ARID4A: variants seen among roughly 807,000 people sequenced by gnomAD.
The protein encoded by ARID4A is AT-rich interaction domain 4A, also known as AT-rich interactive domain-containing protein 4A.
In ARID4A, 39 loss-of-function variants were observed where a neutral mutation model predicts 148.6. The ratio of observed to expected loss-of-function variants is 0.26; its 90% CI spans 0.20 to 0.34. The LOEUF is 0.34. ARID4A is among the 10% of genes least tolerant of loss of function. The pLI, the probability that ARID4A is intolerant of heterozygous loss-of-function variation, is 1.00. For synonymous variants in ARID4A, 475 were observed against 481.2 expected (o/e 0.99, Z 0.17); for missense variants, 1,265 against 1,449.1 (o/e 0.87, Z 2.06).
intron 8 of ARID4A, among the ~76,000 whole-genome samples, chr14:58,323,826 G>T (rs1415189312): frequency 6.7e-6 from 1 of 148,620 alleles, no homozygotes; most frequent in African/African-American, 2.5e-5. Flanking sequence ...CTTTTATTGA[G>T]CTCTTTTATA....
Position 58,364,321 on chromosome 14 carries a change from A to G in ARID4A, c.2232A>G (p.Leu744=). ...EENPKISAHI[L]KENDRTQMQP... The stretch of plus-strand genomic sequence containing the variant: ...ATCCAAAGATTTCTGCACATATATT[A>G]AAAGAAAATGATAGGACTCAAATGC... Residue 744 remains leucine, a synonymous_variant, in exon 20 of 24, where the codon TTA becomes TTG. Transcript: ENST00000355431. 1 of 1,571,346 alleles carries G rather than the reference A, an allele frequency of 6.4e-7. No individual in the cohort carries two copies.
At chr14:58,313,403 T>A (rs1262498700) in intron 5 of ARID4A, among the ~76,000 whole-genome samples, 1 of 152,182 alleles carries the variant, frequency 6.6e-6, no homozygotes, top group Non-Finnish European at 1.5e-5. Context: ...CTTGTGCAGT[T>A]CACAGGCATT....
At position 58,318,589 on chromosome 14, in the gene ARID4A, C is replaced by A; in HGVS notation, c.322C>A (p.Leu108Met). Residue 108 changes from leucine (L) to methionine (M), a missense_variant, in exon 6 of 24, where the codon CTG becomes ATG. This residue lies in a region of ARID4A where 21 missense variants were observed against 36.5 expected (regional missense o/e 0.58). Coordinates refer to ENST00000355431, the MANE Select transcript of ARID4A (RefSeq NM_002892.4). Reference protein sequence around the residue: ...ERTLRRTSLCLKGERHFAESE... With the variant: ...ERTLRRTSLCMKGERHFAESE... ...AACATTGAGACGTACCTCACTTTGT[C>A]TGAAAGGAGAGAGACATTTTGCAGA... The A allele has an allele frequency of 1.9e-6, 3 of 1,614,112 alleles. No individual in the cohort carries two copies. In the South Asian group the frequency reaches 3.3e-5, roughly 18 times the overall value.
At chr14:58,321,688 A>G (rs1217390013) in intron 7 of ARID4A, among the ~76,000 whole-genome samples, 1 of 152,156 alleles carries the variant, frequency 6.6e-6, no homozygotes, top group Non-Finnish European at 1.5e-5. Context: ...GCAAAGTCAG[A>G]TAACACCTAA....
intron 9 of ARID4A, among the ~76,000 whole-genome samples, chr14:58,328,959 C>G (rs1297530769): frequency 6.7e-6 from 1 of 150,026 alleles, no homozygotes; most frequent in Non-Finnish European, 1.5e-5. Flanking sequence ...CGCCACTGCA[C>G]TCCAGCCTGA....
chr14:58,347,624 T>C, intron 14 of ARID4A, 23 bp from the exon 15 acceptor site: 1 of 1,491,832 alleles, frequency 6.7e-7, no homozygotes, highest in South Asian at 1.3e-5. Flanking sequence ...TAAGATTTCT[T>C]AAATGAAATA....
intron 8 of ARID4A, among the ~76,000 whole-genome samples, chr14:58,325,176 T>C (rs1454711903): frequency 6.6e-6 from 1 of 152,218 alleles, no homozygotes; most frequent in Non-Finnish European, 1.5e-5. Context: ...CTTCTCTTCC[T>C]ACTCCTTTAC....
At chr14:58,310,398 T>C (rs1029515948) in intron 5 of ARID4A, among the ~76,000 whole-genome samples, 1 of 152,112 alleles carries the variant, frequency 6.6e-6, no homozygotes, top group Non-Finnish European at 1.5e-5. Flanking sequence ...AATCAAAATA[T>C]CATGATACTG....
At chr14:58,306,160 T>C (rs2031581656) in intron 5 of ARID4A, 48 bp downstream of exon 5, 2 of 1,349,378 alleles carry the variant, frequency 1.5e-6, no homozygotes, top group African/African-American at 2.9e-5. Flanking sequence ...AGGTTGCATG[T>C]ATCTGTGTTT....
intron 11 of ARID4A, among the ~76,000 whole-genome samples, chr14:58,342,449 A>T (rs1039883350): frequency 6.6e-6 from 1 of 152,258 alleles, no homozygotes; most frequent in Non-Finnish European, 1.5e-5. Context: ...ATAAAAATAT[A>T]TTCTTAACAT....
intron 23 of ARID4A, among the ~76,000 whole-genome samples, chr14:58,369,730 T>C (rs1272498081): frequency 6.6e-6 from 1 of 152,018 alleles, no homozygotes; most frequent in East Asian, 1.9e-4. Context: ...TCAATGGTAG[T>C]ACTAGAAACT....
At chr14:58,299,753 C>G in intron 1 of ARID4A, 45 bp from the exon 2 acceptor site, 1 of 1,531,676 alleles carries the variant, frequency 6.5e-7, no homozygotes, top group Non-Finnish European at 9.0e-7. Context: ...TCGCTCCCCG[C>G]AGTTGACTGA....
At position 58,366,079 on chromosome 14, in the gene ARID4A, C is replaced by A. The variant is rs576444999; in HGVS notation, c.3372C>A (p.Thr1124=). ...TCCTAGACAATTCAAGTAAATGTAC[C>A]CCAGTAAAGCATCTTAATGTATCTA... The part of the protein sequence containing the change: ...LPVLDNSSKC[T]PVKHLNVSKP... Residue 1124 remains threonine, a synonymous_variant, in exon 22 of 24, where the codon ACC becomes ACA. Transcript: ENST00000355431. 8.1e-5 allele frequency: 130 copies of A among 1,613,486 alleles called. 2 individuals carry two copies. The South Asian group carries it at 1.3e-3, about 16-fold the overall frequency.
At chr14:58,316,719 T>G (rs557670422) in intron 5 of ARID4A, among the ~76,000 whole-genome samples, 1 of 152,088 alleles carries the variant, frequency 6.6e-6, no homozygotes, top group Non-Finnish European at 1.5e-5. Context: ...TAGCTGAGAT[T>G]ACAGGCGTGT....
rs531748932 is a variant in ARID4A at position 58,360,810 on chromosome 14, T to G, written c.1939-91T>G. On this transcript the variant is annotated intron_variant, in intron 18 of 23. Coordinates refer to ENST00000355431, the MANE Select transcript of ARID4A (RefSeq NM_002892.4). ...GAAGTGACATATAAAATATCAAACC[T>G]TTTTTGAGATGTAGTTTTCTTTGGA... The G allele has an allele frequency of 6.9e-5, 94 of 1,358,544 alleles. 2 individuals are homozygous for G. In the South Asian group the frequency reaches 1.2e-3, roughly 17 times the overall value. 84.2% of individuals were successfully genotyped at this position (1,358,544 alleles called of 1,614,324 possible).
intron 19 of ARID4A, 157 bp downstream of exon 19, chr14:58,361,199 C>A: frequency 2.5e-6 from 2 of 814,202 alleles, no homozygotes; most frequent in Non-Finnish European, 3.0e-6. Flanking sequence ...GGTTGAGTAT[C>A]CCTTGCCCAA....
Position 58,306,052 on chromosome 14 carries a change from G to C in ARID4A, c.214G>C (p.Asp72His). The C allele has an allele frequency of 1.2e-6, 2 of 1,613,668 alleles. No individual in the cohort carries two copies. Among genetic ancestry groups the C allele is most frequent in the Non-Finnish European group, 1.7e-6 (2 of 1,179,766 alleles). ...VGAIVETRTS[D>H]GSFQEAIISK... ...AGCTATTGTTGAAACAAGGACATCTGATGGATCTTTTCAGGAAGCTATTAT... is the reference window on the plus strand; with the variant it reads ...AGCTATTGTTGAAACAAGGACATCTCATGGATCTTTTCAGGAAGCTATTAT... The change falls in exon 5 of 24, where the codon GAT (aspartate) becomes CAT (histidine). Residue 72 changes from aspartate (D) to histidine (H), a missense_variant. By Grantham distance (81) the Asp-to-His change is moderately conservative (BLOSUM62 -1). Transcript: ENST00000355431.
rs777452666 is a variant in ARID4A at position 58,330,052 on chromosome 14, T to C, written c.789T>C (p.Asn263=). 1.2e-6 allele frequency: 2 copies of C among 1,612,540 alleles called. No individual in the cohort carries two copies. The highest frequency in any genetic ancestry group is 2.2e-5 in the South Asian group (2 of 90,686). ...TAAAAACTAGAGTTGTTCCTGATAATTGGAAAATGGATATAAGTGAAATCC... is the reference window on the plus strand; with the variant it reads ...TAAAAACTAGAGTTGTTCCTGATAACTGGAAAATGGATATAAGTGAAATCC... ...IFLKTRVVPD[N]WKMDISEILE... Residue 263 remains asparagine (N), a synonymous_variant, in exon 11 of 24, where the codon AAT becomes AAC. Coordinates refer to ENST00000355431, the MANE Select transcript of ARID4A (RefSeq NM_002892.4).
intron 22 of ARID4A, among the ~76,000 whole-genome samples, chr14:58,366,640 T>G (rs1438273894): frequency 6.6e-6 from 1 of 152,212 alleles, no homozygotes; most frequent in East Asian, 1.9e-4. Context: ...TGATGTTTTC[T>G]TATGTTTTTC....
Sources: allele counts gnomAD v4.1 joint callset (sites outside exome capture counted in the v4.1 genomes callset), GRCh38; gene constraint gnomAD v4.1.1; regional missense constraint gnomAD v4.1.1; transcripts MANE v1.5; gene names NCBI Gene and HGNC (gene_info 2026-07-23, HGNC 2026-07-21).